The following DNAAF10 variants were observed in gnomAD, a reference collection of about 807,000 sequenced individuals.
DNAAF10 encodes dynein axonemal assembly factor 10.
A neutral mutation model predicts 43.7 loss-of-function variants in DNAAF10; 28 were observed. That is an observed-to-expected ratio of 0.64 (90% CI 0.48 to 0.88). The LOEUF is 0.88. Among genes scored for constraint, DNAAF10 ranks in the 40% least tolerant of loss-of-function variants. The probability of loss-of-function intolerance (pLI) is 0.00; values close to 1 mark genes in which losing one functional copy is unlikely to be tolerated. For missense variants in DNAAF10, 403 were observed against 439.1 expected, an observed-to-expected ratio of 0.92 and a Z score of 0.73; for synonymous variants, 156 against 157.3, an observed-to-expected ratio of 0.99 and a Z score of 0.06.
chr2:68,152,135 C>T (rs1278259694), intron 1 of DNAAF10, among the ~76,000 whole-genome samples: 5 of 152,216 alleles, frequency 3.3e-5, no homozygotes, highest in Non-Finnish European at 7.3e-5. Flanking sequence ...ATTAAACCTA[C>T]TTTCAGATCT....
chr2:68,152,720 T>A (rs1404424061), intron 1 of DNAAF10, among the ~76,000 whole-genome samples: 1 of 152,150 alleles, frequency 6.6e-6, no homozygotes, highest in Non-Finnish European at 1.5e-5. Context: ...AAAATGGCCA[T>A]CAATGATGGT....
At chr2:68,157,139 T>C in intron 1 of DNAAF10, 122 bp downstream of exon 1, 1 of 1,332,664 alleles carries the variant, frequency 7.5e-7, no homozygotes, top group South Asian at 1.4e-5. Flanking sequence ...GCTTCTCTGG[T>C]CTCGCGCGGC....
Position 68,157,254 on chromosome 2 carries a change from C to T in DNAAF10, c.183+7G>A, listed in dbSNP as rs748997031. The T allele has an allele frequency of 6.2e-7, 1 of 1,610,256 alleles. No individual in the cohort carries two copies. Among genetic ancestry groups the T allele is most frequent in the South Asian group, 1.1e-5 (1 of 90,532 alleles). On this transcript the variant is annotated splice_region_variant and intron_variant, in intron 1 of 7. Transcript: ENST00000295121. ...ACGGCAGTCCGGATCCTCGACCCGG[C>T]ACCCACCTCCCGAAGCAGCTTCAGG...
intron 6 of DNAAF10, among the ~76,000 whole-genome samples, chr2:68,136,409 CTT>C (rs1673045918): frequency 6.6e-6 from 1 of 152,006 alleles, no homozygotes; most frequent in African/African-American, 2.4e-5. Flanking sequence ...TTATAGCTAT[CTT>C]GTTAAGAATT....
At chr2:68,144,771 C>A (rs1673275481) in intron 2 of DNAAF10, 56 bp from the exon 3 acceptor site, 1 of 1,546,554 alleles carries the variant, frequency 6.5e-7, no homozygotes, top group Non-Finnish European at 8.6e-7. Context: ...AAGTCTACTA[C>A]TGAAATTCAA....
intron 5 of DNAAF10, 94 bp from the exon 6 acceptor site, chr2:68,137,527 A>G: frequency 8.5e-7 from 1 of 1,183,142 alleles, no homozygotes; most frequent in Non-Finnish European, 1.1e-6. Flanking sequence ...ATGGTCAGAT[A>G]ATGTGAAAGC....
At chr2:68,139,437 G>A (rs1053119050) in intron 4 of DNAAF10, among the ~76,000 whole-genome samples, 7 of 152,050 alleles carry the variant, frequency 4.6e-5, no homozygotes, top group African/African-American at 1.7e-4. Flanking sequence ...AAACTACCCA[G>A]TCTCAGGTAT....
rs1257441127 is a variant in DNAAF10 at position 68,157,375 on chromosome 2, G to A, written c.69C>T (p.Asp23=). The A allele has an allele frequency of 6.2e-7, 1 of 1,614,218 alleles. No individual in the cohort carries two copies. The highest frequency in any genetic ancestry group is 8.5e-7 in the Non-Finnish European group (1 of 1,180,040). The change falls in exon 1 of 8, where the codon GAC becomes GAT. Residue 23 remains aspartate (D), a synonymous_variant. Transcript: ENST00000295121. The part of the protein sequence containing the change: ...IQKGFNYTVF[D]CKWVPCSAKF... The stretch of plus-strand genomic sequence containing the variant: ...TGGCGCTGCAGGGCACCCACTTACA[G>A]TCAAACACCGTGTAGTTGAAGCCCT...
intron 4 of DNAAF10, 43 bp downstream of exon 4, chr2:68,141,651 T>C: frequency 6.3e-7 from 1 of 1,580,842 alleles, no homozygotes; most frequent in Non-Finnish European, 8.7e-7. Context: ...TCGTGCTTTT[T>C]ACCATCTGAT....
At chr2:68,137,234 T>G (rs1208756900) in intron 6 of DNAAF10, 65 bp downstream of exon 6, 2 of 1,481,054 alleles carry the variant, frequency 1.4e-6, no homozygotes, top group Non-Finnish European at 1.8e-6. Context: ...GGTGACTAAT[T>G]CTACTTATCA....
Position 68,131,130 on chromosome 2 carries a change from G to A in DNAAF10, c.*108C>T. The A allele has an allele frequency of 9.1e-7, 1 of 1,095,366 alleles. No homozygotes were observed. Among genetic ancestry groups the A allele is most frequent in the Non-Finnish European group, 1.4e-6 (1 of 729,808 alleles). 67.9% of individuals were successfully genotyped at this position (1,095,366 alleles called of 1,614,324 possible). A position where few individuals can be genotyped will look rare whatever the true frequency, so the allele number is the denominator to read the frequency against. On this transcript the variant is annotated 3_prime_UTR_variant, in exon 8 of 8. Coordinates refer to ENST00000295121, the MANE Select transcript of DNAAF10 (RefSeq NM_138458.4). ...AGACGGGGTTTCACCATGTTAGCCAGGATGGTCTCGATCTCCTGACCTTCT... is the reference window on the plus strand; with the variant it reads ...AGACGGGGTTTCACCATGTTAGCCAAGATGGTCTCGATCTCCTGACCTTCT...
chr2:68,134,229 T>G (rs967117324), intron 7 of DNAAF10: 1 of 992,696 alleles, frequency 1.0e-6, no homozygotes, highest in Non-Finnish European at 1.2e-6. Context: ...GTGGTGTGCA[T>G]AGTAAAAGCT....
intron 1 of DNAAF10, among the ~76,000 whole-genome samples, chr2:68,153,775 C>CA (rs1296869048): frequency 9.5e-6 from 1 of 105,544 alleles, no homozygotes; most frequent in East Asian, 3.1e-4. Flanking sequence ...TTTTTGGAGA[C>CA]AGAGTCTTCC....
At chr2:68,135,504 C>T (rs1359567628) in intron 6 of DNAAF10, among the ~76,000 whole-genome samples, 1 of 152,080 alleles carries the variant, frequency 6.6e-6, no homozygotes, top group African/African-American at 2.4e-5. Flanking sequence ...TAAATCCATC[C>T]CGGCGCCACT....
At position 68,138,817 on chromosome 2, in the gene DNAAF10, G is replaced by T; in HGVS notation, c.558C>A (p.Gly186=). 6.2e-7 allele frequency: 1 copy of T among 1,614,008 alleles called. No individual in the cohort carries two copies. Among genetic ancestry groups the T allele is most frequent in the Non-Finnish European group, 8.5e-7 (1 of 1,179,944 alleles). Residue 186 remains glycine, a synonymous_variant, in exon 5 of 8, where the codon GGC becomes GGA. Coordinates refer to ENST00000295121, the MANE Select transcript of DNAAF10 (RefSeq NM_138458.4). ...ATAGTTTGATATCCCCATTGTCATA[G>T]CCAGCACAAACAACACGTTCTTCTT... ...YNQEERVVCA[G]YDNGDIKLFD...
rs753325173 is a variant in DNAAF10 at position 68,131,308 on chromosome 2, C to A, written c.1004G>T (p.Gly335Val). 2 of 1,613,976 alleles carry A rather than the reference C, an allele frequency of 1.2e-6. No homozygotes were observed. The highest frequency in any genetic ancestry group is 8.5e-7 in the Non-Finnish European group (1 of 1,180,018). The change falls in exon 8 of 8, where the codon GGT becomes GTT. Residue 335 changes from glycine to valine, a missense_variant. Gly to Val is a moderately radical substitution (Grantham distance 109). Coordinates refer to ENST00000295121, the MANE Select transcript of DNAAF10 (RefSeq NM_138458.4). ...GTCAAATGAACTACAGACGCAGAGA[C>A]CCCTTTTATCTGGACTCCAATCCAA... ...SSLDWSPDKR[G>V]LCVCSSFDQT...
At position 68,130,109 on chromosome 2, in the gene DNAAF10, G is replaced by GATATATATAT. The variant is rs199700133; in HGVS notation, c.*1128_*1129insATATATATAT. 524 of 129,164 alleles carry GATATATATAT rather than the reference G, an allele frequency of 4.1e-3. 8 individuals carry two copies. The highest frequency in any genetic ancestry group is 0.017 in the African/African-American group (503 of 29,966). The allele number at this position is 129,164 out of a possible 1,614,324, so 8.0% of individuals were successfully genotyped here. The stretch of plus-strand genomic sequence containing the variant: ...CTAGACCAACCGTGCCGTTTTGAGA[G>GATATATATAT]AGAGAGATATATATATATATATTTG... On this transcript the variant is annotated 3_prime_UTR_variant, in exon 8 of 8. Transcript: ENST00000295121.
intron 6 of DNAAF10, among the ~76,000 whole-genome samples, chr2:68,137,052 T>C (rs1673059650): frequency 6.6e-6 from 1 of 152,256 alleles, no homozygotes; most frequent in Non-Finnish European, 1.5e-5. Context: ...AGGTTTCTTC[T>C]AATTGCTCCT....
In DNAAF10 at chr2:68,133,217, G is replaced by A. The variant is rs555616133; in HGVS notation, c.866+1485C>T. ...TGCTTTTCACTCAGAAACCATATTG[G>A]TTGTTTGTTTGTTTGTTTGTTTGTT... On this transcript the variant is annotated intron_variant, in intron 7 of 7. Transcript: ENST00000295121. Among the ~76,000 whole-genome samples the A allele has an allele frequency of 2.0e-5, 3 of 152,014 alleles. No individual in the cohort carries two copies. The South Asian group carries it at 6.2e-4, about 32-fold the overall frequency.
Sources: gnomAD v4.1 joint callset for allele counts (sites outside exome capture counted in the v4.1 genomes callset) on GRCh38, gnomAD v4.1.1 for gene constraint, MANE v1.5 for transcripts, NCBI Gene and HGNC (gene_info 2026-07-23, HGNC 2026-07-21) for gene names.